The following SCARA5 variants were observed in gnomAD, a reference collection of about 807,000 sequenced individuals.
SCARA5 encodes the protein scavenger receptor class A member 5.
SCARA5 carries 45 observed loss-of-function variants against 46.3 expected under a neutral mutation model. The ratio of observed to expected loss-of-function variants is 0.97; its 90% CI spans 0.76 to 1.24. SCARA5 has a LOEUF of 1.24. SCARA5 is among the 50% of genes most tolerant of loss of function. SCARA5 has a pLI of 0.00. For synonymous variants in SCARA5, 333 were observed against 306.5 expected, an observed-to-expected ratio of 1.09 and a Z score of -0.90; for missense variants, 680 against 689.0, an observed-to-expected ratio of 0.99 and a Z score of 0.15.
At chr8:27,948,543 T>C (rs536549720) in intron 3 of SCARA5, among the ~76,000 whole-genome samples, 4 of 152,228 alleles carry the variant, frequency 2.6e-5, no homozygotes, top group Non-Finnish European at 5.9e-5. Context: ...TTCTGTCCAC[T>C]GGGCCGAAGG....
chr8:27,979,404 C>A (rs958796256), intron 2 of SCARA5, among the ~76,000 whole-genome samples: 1 of 152,140 alleles, frequency 6.6e-6, no homozygotes, highest in Non-Finnish European at 1.5e-5. Context: ...ACTCACGTAA[C>A]CCTTGCAAAA....
Position 27,921,812 on chromosome 8 carries a change from G to A in SCARA5, c.675C>T (p.Gly225=), listed in dbSNP as rs764929159. The A allele has an allele frequency of 1.2e-5, 19 of 1,553,136 alleles. No homozygotes were observed. The highest frequency in any genetic ancestry group is 2.4e-5 in the South Asian group (2 of 84,696). Reference sequence around the variant, plus strand: ...GGCTGTGGTTGAGGCCGCGCAGCACGCCGCCCACGTCGGCCAGCTCCTCGC... The same window carrying A: ...GGCTGTGGTTGAGGCCGCGCAGCACACCGCCCACGTCGGCCAGCTCCTCGC... ...ILGEELADVG[G]VLRGLNHSLS... is the part of the protein sequence containing the mutation. The change falls in exon 4 of 9, where the codon GGC becomes GGT. Residue 225 remains glycine, a synonymous_variant. Transcript: ENST00000354914.
At chr8:27,908,371 A>G (rs1807306405) in intron 5 of SCARA5, among the ~76,000 whole-genome samples, 1 of 152,240 alleles carries the variant, frequency 6.6e-6, no homozygotes, top group South Asian at 2.1e-4. Context: ...CAGAGCCAGC[A>G]TAAACAAGTC....
intron 3 of SCARA5, among the ~76,000 whole-genome samples, chr8:27,937,283 A>G (rs886531756): frequency 6.6e-6 from 1 of 152,090 alleles, no homozygotes; most frequent in Non-Finnish European, 1.5e-5. Context: ...TGCCCCTAGC[A>G]CGTGTGGGAC....
At chr8:27,950,879 G>GAAAGAAA (rs1554574402) in intron 3 of SCARA5, among the ~76,000 whole-genome samples, 2 of 140,998 alleles carry the variant, frequency 1.4e-5, no homozygotes, top group Non-Finnish European at 3.1e-5. Context: ...AGCTTTATGG[G>GAAAGAAA]AAAAAAAAAA....
At chr8:27,952,489 A>G (rs970873271) in intron 3 of SCARA5, among the ~76,000 whole-genome samples, 7 of 152,156 alleles carry the variant, frequency 4.6e-5, no homozygotes, top group African/African-American at 1.4e-4. Context: ...CTTCGTTGCC[A>G]TCACCCAGGG....
chr8:27,885,007 G>T (rs1296072879), intron 7 of SCARA5, among the ~76,000 whole-genome samples: 1 of 151,862 alleles, frequency 6.6e-6, no homozygotes, highest in African/African-American at 2.4e-5. Flanking sequence ...TGAGAGACAG[G>T]GCAGGCACCA....
intron 2 of SCARA5, among the ~76,000 whole-genome samples, chr8:27,985,242 G>C (rs1808688652): frequency 1.3e-5 from 2 of 152,294 alleles, no homozygotes; most frequent in African/African-American, 4.8e-5. Context: ...CCTCGCAGAA[G>C]GTGGGAGCTG....
chr8:27,979,124 C>A (rs551945611), intron 2 of SCARA5, among the ~76,000 whole-genome samples: 1 of 152,296 alleles, frequency 6.6e-6, no homozygotes, highest in Admixed American at 6.5e-5. Context: ...AGCCTAAAGA[C>A]CCAGGGGCAC....
intron 2 of SCARA5, among the ~76,000 whole-genome samples, chr8:27,981,387 A>G (rs1186394972): frequency 1.3e-5 from 2 of 152,182 alleles, no homozygotes; most frequent in African/African-American, 4.8e-5. Context: ...GAAGGGGAAA[A>G]GCCCAGGTGG....
At chr8:27,896,310 G>A (rs561731091) in intron 7 of SCARA5, among the ~76,000 whole-genome samples, 3 of 152,172 alleles carry the variant, frequency 2.0e-5, no homozygotes, top group South Asian at 4.2e-4. Flanking sequence ...TTCCTGGGAG[G>A]GTTCTGCCAT....
chr8:27,955,603 G>A (rs527334576), intron 3 of SCARA5, among the ~76,000 whole-genome samples: 2 of 152,336 alleles, frequency 1.3e-5, no homozygotes, highest in African/African-American at 4.8e-5. Context: ...GCTAAAAACA[G>A]AGACAGACCA....
Position 27,956,646 on chromosome 8 carries a change from T to C in SCARA5, c.241+9768A>G, listed in dbSNP as rs539267702. On this transcript the variant is annotated intron_variant, in intron 3 of 8. Coordinates refer to ENST00000354914, the MANE Select transcript of SCARA5 (RefSeq NM_173833.6). ...AATGATCAAATACTTGACCTCAGGT[T>C]TTCCTAGTTCTCAAGCTTCTGATCT... Among the ~76,000 whole-genome samples the C allele has an allele frequency of 1.3e-4, 20 of 152,296 alleles. No individual in the cohort carries two copies. The South Asian group carries it at 3.7e-3, about 28-fold the overall frequency.
intron 2 of SCARA5, among the ~76,000 whole-genome samples, chr8:27,982,096 G>A (rs1262869284): frequency 5.3e-5 from 8 of 152,176 alleles, no homozygotes; most frequent in East Asian, 1.9e-4. Flanking sequence ...GGCTGCAGGC[G>A]TCGGCAGCTG....
At chr8:27,987,323 G>A (rs1367732080) in intron 2 of SCARA5, among the ~76,000 whole-genome samples, 181 bp downstream of exon 2, 1 of 152,240 alleles carries the variant, frequency 6.6e-6, no homozygotes, top group Non-Finnish European at 1.5e-5. Context: ...CAGGTTTGTG[G>A]AAGTGAATGA....
At chr8:27,904,878 C>A in intron 6 of SCARA5, 44 bp from the exon 7 acceptor site, 1 of 1,480,748 alleles carries the variant, frequency 6.8e-7, no homozygotes, top group Non-Finnish European at 9.3e-7. Flanking sequence ...GAAAGAAATC[C>A]TAATTGTGAA....
rs941910932 is a variant in SCARA5, at chr8:27,951,994, T to G, written c.241+14420A>C. Among the ~76,000 whole-genome samples, 3 of 152,092 alleles carry G rather than the reference T, an allele frequency of 2.0e-5. No homozygotes were observed. In the East Asian group the frequency reaches 5.8e-4, roughly 29 times the overall value. On this transcript the variant is annotated intron_variant, in intron 3 of 8. Transcript: ENST00000354914. ...TGCAAACTCATGTCCACCCAGAACC[T>G]ATTTGGAAATAAACTCTTGGTAGGT...
At position 27,909,715 on chromosome 8, in the gene SCARA5, C is replaced by G. The variant is rs1474388720; in HGVS notation, c.945G>C (p.Gly315=). 2.6e-6 allele frequency: 4 copies of G among 1,551,346 alleles called. No individual in the cohort carries two copies. Among genetic ancestry groups the G allele is most frequent in the African/African-American group, 1.4e-5 (1 of 73,000 alleles). Residue 315 remains glycine, a synonymous_variant, in exon 5 of 9, where the codon GGG becomes GGC. Transcript: ENST00000354914. ...KGPPGPKGDQ[G]DEGKEGRPGI... is the part of the protein sequence containing the mutation. ...CAGGCCTGCCTTCCTTTCCTTCATCCCCCTGATCACCTTTGGGTCCCGGTG... is the reference window on the plus strand; with the variant it reads ...CAGGCCTGCCTTCCTTTCCTTCATCGCCCTGATCACCTTTGGGTCCCGGTG...
intron 3 of SCARA5, among the ~76,000 whole-genome samples, chr8:27,930,031 G>C (rs1020726254): frequency 6.6e-6 from 1 of 152,070 alleles, no homozygotes; most frequent in Non-Finnish European, 1.5e-5. Flanking sequence ...ACAATCCCAT[G>C]GTATGGTCCC....
Sources: gnomAD v4.1 joint callset for allele counts (sites outside exome capture counted in the v4.1 genomes callset) on GRCh38, gnomAD v4.1.1 for gene constraint, MANE v1.5 for transcripts, NCBI Gene and HGNC (gene_info 2026-07-23, HGNC 2026-07-21) for gene names.